Variants in PRDM13 observed in about 807,000 individuals in gnomAD.
PRDM13 encodes the protein PR/SET domain 13.
Under a neutral mutation model 36.4 loss-of-function variants are expected in PRDM13, and 15 were observed. The ratio of observed to expected loss-of-function variants is 0.41; its 90% CI spans 0.28 to 0.64. The LOEUF is 0.64. Ranked by LOEUF, PRDM13 falls within the 30% of genes least tolerant of loss-of-function variation. The pLI, the probability that PRDM13 is intolerant of heterozygous loss-of-function variation, is 0.29. For synonymous variants in PRDM13, 531 were observed against 467.7 expected (o/e 1.14, Z -1.75); for missense variants, 1,044 against 1,013.5 (o/e 1.03, Z -0.41).
Position 99,607,185 on chromosome 6 carries a change from ACCATTCAGACCTCTGCCCACTG to A in PRDM13, c.144+14_144+35del. ...GCCCGGGCCTAAGAAAAAGGTATTGACCATTCAGACCTCTGCCCACTGCCATTCGCCTCTCAGTGCCCTGACC... is the reference window on the plus strand; with the variant it reads ...GCCCGGGCCTAAGAAAAAGGTATTGACCATTCGCCTCTCAGTGCCCTGACC... On this transcript the variant is annotated splice_region_variant and intron_variant, in intron 1 of 3. Transcript: ENST00000369215. 2 of 1,612,986 alleles carry A rather than the reference ACCATTCAGACCTCTGCCCACTG, an allele frequency of 1.2e-6. No homozygotes were observed. Among genetic ancestry groups the A allele is most frequent in the Non-Finnish European group, 1.7e-6 (2 of 1,179,860 alleles).
Position 99,607,240 on chromosome 6 carries a change from G to A in PRDM13, c.144+62G>A, listed in dbSNP as rs773171821. On this transcript the variant is annotated intron_variant, in intron 1 of 3. Coordinates refer to ENST00000369215, the MANE Select transcript of PRDM13 (RefSeq NM_021620.4). ...CCTCTCAGTGCCCTGACCCGGGAAA[G>A]GGGTACGAGAGAAAGTGGAGGAAGG... is the stretch of plus-strand genomic sequence containing the variant. 1.1e-5 allele frequency: 18 copies of A among 1,588,054 alleles called. No homozygotes were observed. In the South Asian group the frequency reaches 1.8e-4, roughly 16 times the overall value.
rs780290147 is a variant in PRDM13 at position 99,614,333 on chromosome 6, A to T, written c.1698A>T (p.Ala566=). The change falls in exon 4 of 4, where the codon GCA becomes GCT. Residue 566 remains alanine, a synonymous_variant. Coordinates refer to ENST00000369215, the MANE Select transcript of PRDM13 (RefSeq NM_021620.4). Reference sequence around the variant, plus strand: ...GCGGCGGCAGCGGAGGCAGCGGCGCAGGTAAGCCCAAGACCGGCCACCTGT... The same window carrying T: ...GCGGCGGCAGCGGAGGCAGCGGCGCTGGTAAGCCCAAGACCGGCCACCTGT... ...TGGGGSGGSG[A]GKPKTGHLCL... The T allele has an allele frequency of 6.2e-7, 1 of 1,609,306 alleles. No individual in the cohort carries two copies. Among genetic ancestry groups the T allele is most frequent in the Admixed American group, 1.7e-5 (1 of 59,626 alleles).
chr6:99,613,653 G>A lies in PRDM13; in HGVS notation c.1018G>A (p.Gly340Arg). The A allele has an allele frequency of 2.1e-6, 3 of 1,427,846 alleles. No homozygotes were observed. Among genetic ancestry groups the A allele is most frequent in the South Asian group, 1.5e-5 (1 of 67,350 alleles). 88.4% of individuals were successfully genotyped at this position (1,427,846 alleles called of 1,614,324 possible). The change falls in exon 4 of 4, where the codon GGG becomes AGG. Residue 340 changes from glycine (G) to arginine (R), a missense_variant. By Grantham distance (125) the Gly-to-Arg change is moderately radical. Coordinates refer to ENST00000369215, the MANE Select transcript of PRDM13 (RefSeq NM_021620.4). The surrounding 1 kb of genome is among the most constrained non-coding windows in gnomAD (Gnocchi z 6.1). ...CGGGGGCCGGGCGTGCGGGCGCCCCGGGAGCGGGGAGAACTCGGCGGCGGG... is the reference window on the plus strand; with the variant it reads ...CGGGGGCCGGGCGTGCGGGCGCCCCAGGAGCGGGGAGAACTCGGCGGCGGG... ...LGGGRACGRP[G>R]SGENSAAGGA...
rs1383828460 is a variant in PRDM13, at chr6:99,614,308, G to T, written c.1673G>T (p.Gly558Val). Residue 558 changes from glycine to valine, a missense_variant, in exon 4 of 4, where the codon GGC becomes GTC. This residue lies in a region of PRDM13 where 921 missense variants were observed against 865.2 expected (regional missense o/e 1.06). Transcript: ENST00000369215. ...GTCGCGGCGGCGGGAGGCACCGGGG[G>T]CGGCGGCAGCGGAGGCAGCGGCGCA... is the stretch of plus-strand genomic sequence containing the variant. ...PAVAAAGGTGGGGSGGSGAGK... is the reference protein window; with the variant it reads ...PAVAAAGGTGVGGSGGSGAGK... 3 of 1,603,724 alleles carry T rather than the reference G, an allele frequency of 1.9e-6. No individual in the cohort carries two copies. Among genetic ancestry groups the T allele is most frequent in the Non-Finnish European group, 2.6e-6 (3 of 1,175,492 alleles).
chr6:99,610,502 G>A (rs1770015630), intron 3 of PRDM13, among the ~76,000 whole-genome samples: 1 of 152,154 alleles, frequency 6.6e-6, no homozygotes, highest in African/African-American at 2.4e-5. Context: ...AATAGGTTTA[G>A]AGAAATCAAT....
rs530527386 is a variant in PRDM13, at chr6:99,610,903, T to A, written c.397+1596T>A. On this transcript the variant is annotated intron_variant, in intron 3 of 3. Coordinates refer to ENST00000369215, the MANE Select transcript of PRDM13 (RefSeq NM_021620.4). ...TTTCAGCCAATTGAGCTTATAAACA[T>A]CATATGGTAACAGATGTCAAAATAA... Among the ~76,000 whole-genome samples the A allele has an allele frequency of 5.9e-5, 9 of 152,252 alleles. No individual in the cohort carries two copies. The South Asian group carries it at 6.2e-4, about 11-fold the overall frequency.
At position 99,609,179 on chromosome 6, in the gene PRDM13, C is replaced by A. The variant is rs750712032; in HGVS notation, c.277-8C>A. 1 of 1,613,426 alleles carries A rather than the reference C, an allele frequency of 6.2e-7. No individual in the cohort carries two copies. The highest frequency in any genetic ancestry group is 8.5e-7 in the Non-Finnish European group (1 of 1,179,574). ...TGACATTGAACTGTTCTATTCCTTGCGTCCCAGATCTTCTACCGAGCATTG... is the reference window on the plus strand; with the variant it reads ...TGACATTGAACTGTTCTATTCCTTGAGTCCCAGATCTTCTACCGAGCATTG... On this transcript the variant is annotated splice_region_variant and splice_polypyrimidine_tract_variant and intron_variant, in intron 2 of 3. Coordinates refer to ENST00000369215, the MANE Select transcript of PRDM13 (RefSeq NM_021620.4).
intron 2 of PRDM13, 103 bp from the exon 3 acceptor site, chr6:99,609,084 G>T (rs1188958540): frequency 2.0e-5 from 29 of 1,461,092 alleles, no homozygotes; most frequent in Middle Eastern, 3.5e-4. Context: ...GCTTCTCCAG[G>T]GTCACACAGC....
Position 99,613,323 on chromosome 6 carries a change from G to T in PRDM13, c.688G>T (p.Glu230Ter). Residue 230 changes from glutamate to a stop codon, truncating the protein, a stop_gained, in exon 4 of 4, where the codon GAG (glutamate) becomes TAG (stop). Coordinates refer to ENST00000369215, the MANE Select transcript of PRDM13 (RefSeq NM_021620.4). LOFTEE classifies it low-confidence loss of function (END_TRUNC). The surrounding 1 kb of genome is among the most constrained non-coding windows in gnomAD (Gnocchi z 6.1). ...ACGAREGIKR[E>*]ASSAPSATSP... ...CGGTGCGCGGGAGGGCATCAAGCGC[G>T]AGGCCTCTTCCGCGCCCTCGGCCAC... The T allele has an allele frequency of 6.4e-7, 1 of 1,558,804 alleles. No homozygotes were observed. Among genetic ancestry groups the T allele is most frequent in the Admixed American group, 1.9e-5 (1 of 53,164 alleles).
In PRDM13 at chr6:99,614,542, G is replaced by T; in HGVS notation, c.1907G>T (p.Gly636Val). The change falls in exon 4 of 4, where the codon GGC becomes GTC. Residue 636 changes from glycine to valine, a missense_variant. Coordinates refer to ENST00000369215, the MANE Select transcript of PRDM13 (RefSeq NM_021620.4). ...GNTPYRCEFCGKVLVRRRDLE... is the reference protein window; with the variant it reads ...GNTPYRCEFCVKVLVRRRDLE... ...ACGCCCTACCGCTGCGAGTTCTGCG[G>T]CAAGGTACTTGTGCGCCGCCGGGAC... 1 of 1,613,062 alleles carries T rather than the reference G, an allele frequency of 6.2e-7. No homozygotes were observed. Among genetic ancestry groups the T allele is most frequent in the Non-Finnish European group, 8.5e-7 (1 of 1,179,966 alleles).
chr6:99,607,234 G>A (rs1302123082), intron 1 of PRDM13, 56 bp downstream of exon 1: 8 of 1,594,506 alleles, frequency 5.0e-6, no homozygotes, highest in Non-Finnish European at 6.8e-6. Context: ...GCCCTGACCC[G>A]GGAAAGGGGT....
rs1199958305 is a variant in PRDM13 at position 99,606,901 on chromosome 6, G to A, written c.-134G>A. ...GATTGAAAAGGCGCAGTGCATGCCC[G>A]CCCGCGTCACTCCGCGGGCGGAGGA... On this transcript the variant is annotated 5_prime_UTR_variant, in exon 1 of 4. Transcript: ENST00000369215. The A allele has an allele frequency of 1.2e-5, 15 of 1,240,732 alleles. No individual in the cohort carries two copies. Among genetic ancestry groups the A allele is most frequent in the Non-Finnish European group, 1.6e-5 (15 of 928,946 alleles). 76.9% of individuals were successfully genotyped at this position (1,240,732 alleles called of 1,614,324 possible).
chr6:99,614,635 G>A lies in PRDM13; in HGVS notation c.2000G>A (p.Gly667Asp), dbSNP rs1287047071. Residue 667 changes from glycine (G) to aspartate (D), a missense_variant, in exon 4 of 4, where the codon GGT becomes GAT. Physicochemically the swap from Gly to Asp is moderately conservative, Grantham distance 94. Transcript: ENST00000369215. The part of the protein sequence containing the change: ...SLLAKAGDGP[G>D]AEPGYPPEPG... ...CTCGCCAAAGCGGGCGACGGCCCGG[G>A]TGCCGAGCCCGGCTATCCCCCGGAG... 4.3e-6 allele frequency: 7 copies of A among 1,612,352 alleles called. No individual in the cohort carries two copies. In the East Asian group the frequency reaches 8.9e-5, roughly 21 times the overall value.
Position 99,606,896 on chromosome 6 carries a change from T to C in PRDM13, c.-139T>C. 8.3e-7 allele frequency: 1 copy of C among 1,204,756 alleles called. No individual in the cohort carries two copies. 74.6% of individuals were successfully genotyped at this position (1,204,756 alleles called of 1,614,324 possible). Reference sequence around the variant, plus strand: ...GCCCCGATTGAAAAGGCGCAGTGCATGCCCGCCCGCGTCACTCCGCGGGCG... The same window carrying C: ...GCCCCGATTGAAAAGGCGCAGTGCACGCCCGCCCGCGTCACTCCGCGGGCG... On this transcript the variant is annotated 5_prime_UTR_variant, in exon 1 of 4. An upstream start codon of the reference 5' UTR is lost. Transcript: ENST00000369215.
chr6:99,607,106 C>G lies in PRDM13; in HGVS notation c.72C>G (p.Leu24=), dbSNP rs771527285. ...GCTGCATCCCGGCCGGCTTGCGCCT[C>G]GGACCGGTGCCTGGTACCTTCAAGC... ...ADCCIPAGLR[L]GPVPGTFKLG... The change falls in exon 1 of 4, where the codon CTC becomes CTG. Residue 24 remains leucine (L), a synonymous_variant. Coordinates refer to ENST00000369215, the MANE Select transcript of PRDM13 (RefSeq NM_021620.4). The G allele has an allele frequency of 5.0e-6, 8 of 1,613,650 alleles. No homozygotes were observed. The Admixed American group carries it at 1.0e-4, about 20-fold the overall frequency.
Position 99,613,077 on chromosome 6 carries a change from T to C in PRDM13, c.442T>C (p.Tyr148His), listed in dbSNP as rs374602504. Residue 148 changes from tyrosine (Y) to histidine (H), a missense_variant, in exon 4 of 4, where the codon TAC becomes CAC. Tyr to His is a moderately conservative substitution (Grantham distance 83). Coordinates refer to ENST00000369215, the MANE Select transcript of PRDM13 (RefSeq NM_021620.4). This position sits in a 1 kb window ranked among gnomAD's most constrained non-coding sequence, Gnocchi z 6.1. ...ICWYCWRTFRYPNSLKAHLRF... is the reference protein window; with the variant it reads ...ICWYCWRTFRHPNSLKAHLRF... ...CTGGTACTGCTGGAGGACGTTTAGA[T>C]ACCCCAACAGCCTTAAGGCACACCT... 2.4e-5 allele frequency: 39 copies of C among 1,613,702 alleles called. No individual in the cohort carries two copies. Among genetic ancestry groups the C allele is most frequent in the Non-Finnish European group, 3.1e-5 (37 of 1,180,046 alleles).
At chr6:99,611,980 T>C (rs530155084) in intron 3 of PRDM13, among the ~76,000 whole-genome samples, 1 of 152,338 alleles carries the variant, frequency 6.6e-6, no homozygotes, top group South Asian at 2.1e-4. Context: ...ATGTCTCATA[T>C]ATGTGTCTCT....
rs1165107673 is a variant in PRDM13, at chr6:99,613,042, G to T, written c.407G>T (p.Arg136Leu). 6.2e-7 allele frequency: 1 copy of T among 1,613,556 alleles called. No homozygotes were observed. The highest frequency in any genetic ancestry group is 1.7e-5 in the Admixed American group (1 of 60,018). The change falls in exon 4 of 4, where the codon CGC becomes CTC. Residue 136 changes from arginine (R) to leucine (L), a missense_variant. Arg to Leu is a moderately radical substitution (Grantham distance 102). Transcript: ENST00000369215. This position sits in a 1 kb window ranked among gnomAD's most constrained non-coding sequence, Gnocchi z 6.1. ...ATTCTTTCTTGCCCAGGGGAGGAGC[G>T]CTACATCTGCTGGTACTGCTGGAGG... ...TPTHDEKGEE[R>L]YICWYCWRTF...
Position 99,607,196 on chromosome 6 carries a change from C to T in PRDM13, c.144+18C>T. On this transcript the variant is annotated intron_variant, in intron 1 of 3. Coordinates refer to ENST00000369215, the MANE Select transcript of PRDM13 (RefSeq NM_021620.4). Reference sequence around the variant, plus strand: ...AGAAAAAGGTATTGACCATTCAGACCTCTGCCCACTGCCATTCGCCTCTCA... The same window carrying T: ...AGAAAAAGGTATTGACCATTCAGACTTCTGCCCACTGCCATTCGCCTCTCA... 3 of 1,611,970 alleles carry T rather than the reference C, an allele frequency of 1.9e-6. No homozygotes were observed. The highest frequency in any genetic ancestry group is 1.7e-6 in the Non-Finnish European group (2 of 1,179,546).
Sources: gnomAD v4.1 joint callset for allele counts (sites outside exome capture counted in the v4.1 genomes callset) on GRCh38, gnomAD v4.1.1 for gene constraint, gnomAD v4.1.1 regional missense constraint, Gnocchi (gnomAD v3.1) non-coding constraint, MANE v1.5 for transcripts, NCBI Gene and HGNC (gene_info 2026-07-23, HGNC 2026-07-21) for gene names.